The following FOXN1 variants were observed in gnomAD, a reference collection of about 807,000 sequenced individuals.
The protein encoded by FOXN1 is forkhead box protein N1.
Under a neutral mutation model 49.0 loss-of-function variants are expected in FOXN1, and 15 were observed. That is an observed-to-expected ratio of 0.31 (90% CI 0.20 to 0.47). The LOEUF (loss-of-function observed/expected upper bound fraction) is 0.47. Ranked by LOEUF, FOXN1 falls within the 20% of genes least tolerant of loss-of-function variation. FOXN1 has a pLI of 1.00. For synonymous variants in FOXN1, 356 were observed against 369.0 expected, an observed-to-expected ratio of 0.96 and a Z score of 0.40; for missense variants, 800 against 842.8, an observed-to-expected ratio of 0.95 and a Z score of 0.63.
intron 1 of FOXN1, among the ~76,000 whole-genome samples, chr17:28,517,624 G>T (rs2069548966): frequency 8.6e-6 from 1 of 116,200 alleles, no homozygotes; most frequent in African/African-American, 3.6e-5. Context: ...ACCTCCACAG[G>T]GTACACACCT....
Position 28,538,511 on chromosome 17 carries a change from G to A in FOXN1, c.*1075G>A, listed in dbSNP as rs1047484584. On this transcript the variant is annotated 3_prime_UTR_variant, in exon 9 of 9. Transcript: ENST00000579795. ...TCGACTTACGATGTTTCCCACTCACGATGGGTTTCTCCGGATGTAGCCCCA... is the reference window on the plus strand; with the variant it reads ...TCGACTTACGATGTTTCCCACTCACAATGGGTTTCTCCGGATGTAGCCCCA... 2.6e-5 allele frequency: 4 copies of A among 152,138 alleles called. No individual in the cohort carries two copies. Among genetic ancestry groups the A allele is most frequent in the Admixed American group, 1.3e-4 (2 of 15,274 alleles). 9.4% of individuals were successfully genotyped at this position (152,138 alleles called of 1,614,324 possible). A position where few individuals can be genotyped will look rare whatever the true frequency, so the allele number is the denominator to read the frequency against.
chr17:28,524,424 A>G (rs767813850), intron 2 of FOXN1, 79 bp from the exon 3 acceptor site: 1 of 1,272,418 alleles, frequency 7.9e-7, no homozygotes, highest in Non-Finnish European at 1.1e-6. Flanking sequence ...CCTTTACCCC[A>G]GAACAGAGTA....
intron 8 of FOXN1, among the ~76,000 whole-genome samples, chr17:28,536,907 G>C (rs2070078878): frequency 6.6e-6 from 1 of 152,108 alleles, no homozygotes; most frequent in African/African-American, 2.4e-5. Context: ...TAGATCGACG[G>C]CTTTCAGATT....
At chr17:28,511,637 G>A (rs575901055) in intron 1 of FOXN1, among the ~76,000 whole-genome samples, 1 of 152,196 alleles carries the variant, frequency 6.6e-6, no homozygotes, top group East Asian at 1.9e-4. Context: ...GTTCTCACTC[G>A]GTCCCCAGGA....
At chr17:28,528,964 T>C (rs2069839919) in intron 4 of FOXN1, 130 bp from the exon 5 acceptor site, 14 of 1,208,824 alleles carry the variant, frequency 1.2e-5, no homozygotes, top group Non-Finnish European at 1.3e-5. Flanking sequence ...TTGGGGGTGA[T>C]GGGGCCCATG....
chr17:28,531,546 G>A (rs941706474), intron 6 of FOXN1, among the ~76,000 whole-genome samples: 5 of 152,254 alleles, frequency 3.3e-5, no homozygotes, highest in African/African-American at 9.6e-5. Context: ...CCCTAAGGTC[G>A]CACAGTAGAT....
At chr17:28,525,514 C>T (rs759191615) in intron 3 of FOXN1, among the ~76,000 whole-genome samples, 3 of 152,134 alleles carry the variant, frequency 2.0e-5, no homozygotes, top group Admixed American at 6.5e-5. Context: ...CCTCCATAAG[C>T]GGCGTGACCC....
At chr17:28,519,073 G>A (rs1225757933) in intron 1 of FOXN1, among the ~76,000 whole-genome samples, 5 of 152,310 alleles carry the variant, frequency 3.3e-5, no homozygotes, top group Non-Finnish European at 7.3e-5. Flanking sequence ...GGAAGAAATG[G>A]GCACAATTGG....
intron 1 of FOXN1, among the ~76,000 whole-genome samples, chr17:28,512,832 C>T (rs1555607218): frequency 6.6e-6 from 1 of 152,036 alleles, no homozygotes; most frequent in Non-Finnish European, 1.5e-5. Context: ...ATGAATGACA[C>T]CCACAAGTAA....
chr17:28,529,136 T>TC lies in FOXN1; in HGVS notation c.744dup (p.Ser249LeufsTer37). On this transcript the variant is annotated frameshift_variant, in exon 5 of 9. Coordinates refer to ENST00000579795, the MANE Select transcript of FOXN1 (RefSeq NM_001369369.1). LOFTEE classifies it high-confidence loss of function. ...CAGCTACCCCATACCCTACCTGGGC[T>TC]CCTCACACTATCAGTACCAGCGAAT... is the stretch of plus-strand genomic sequence containing the variant. The TC allele has an allele frequency of 6.2e-7, 1 of 1,614,118 alleles. No individual in the cohort carries two copies. The highest frequency in any genetic ancestry group is 8.5e-7 in the Non-Finnish European group (1 of 1,179,986).
intron 1 of FOXN1, among the ~76,000 whole-genome samples, chr17:28,513,652 G>A (rs1281823787): frequency 1.3e-5 from 2 of 152,348 alleles, no homozygotes; most frequent in East Asian, 1.9e-4. Context: ...AGACAGCCCC[G>A]CCTCAGCCCT....
chr17:28,531,017 C>T lies in FOXN1; in HGVS notation c.927+172C>T, dbSNP rs142975386. Among the ~76,000 whole-genome samples, 289 of 152,298 alleles carry T rather than the reference C, an allele frequency of 1.9e-3. 1 individual carries two copies. Among genetic ancestry groups the T allele is most frequent in the African/African-American group, 6.6e-3 (276 of 41,568 alleles). On this transcript the variant is annotated intron_variant, in intron 6 of 8. Transcript: ENST00000579795. ...CCACCTCAGAAGGACAGAGTTCCTA[C>T]AAAAGGTGCTCCAAGTGGGGAACAG...
Position 28,534,498 on chromosome 17 carries a change from G to A in FOXN1, c.1095G>A (p.Arg365=), listed in dbSNP as rs761738547. ...KMQEELQKWK[R]KDPIAVRKSM... is the part of the protein sequence containing the mutation. ...AAGAGGAGCTGCAAAAATGGAAGAG[G>A]AAAGATCCCATTGCTGTGCGCAAAA... Residue 365 remains arginine, a synonymous_variant, in exon 7 of 9, where the codon AGG becomes AGA. Coordinates refer to ENST00000579795, the MANE Select transcript of FOXN1 (RefSeq NM_001369369.1). The surrounding 1 kb of genome is among the most constrained non-coding windows in gnomAD (Gnocchi z 4.1). The A allele has an allele frequency of 3.7e-6, 6 of 1,613,704 alleles. No individual in the cohort carries two copies. The East Asian group carries it at 1.1e-4, about 30-fold the overall frequency.
At chr17:28,536,661 C>T (rs1292561453) in intron 8 of FOXN1, among the ~76,000 whole-genome samples, 1 of 152,186 alleles carries the variant, frequency 6.6e-6, no homozygotes, top group Non-Finnish European at 1.5e-5. Flanking sequence ...TGCTCCCATT[C>T]CCTGGGCCCT....
intron 1 of FOXN1, among the ~76,000 whole-genome samples, chr17:28,520,625 A>G (rs1597545123): frequency 6.6e-6 from 1 of 152,220 alleles, no homozygotes; most frequent in South Asian, 2.1e-4. Flanking sequence ...AAGCAAGGCT[A>G]TGAAAGTCAT....
At chr17:28,511,726 C>T (rs1555607046) in intron 1 of FOXN1, among the ~76,000 whole-genome samples, 1 of 152,086 alleles carries the variant, frequency 6.6e-6, no homozygotes, top group African/African-American at 2.4e-5. Context: ...TCATGACTAG[C>T]CCACACCGAG....
intron 3 of FOXN1, among the ~76,000 whole-genome samples, chr17:28,526,348 G>A (rs1326175116): frequency 6.6e-6 from 1 of 152,256 alleles, no homozygotes; most frequent in Non-Finnish European, 1.5e-5. Flanking sequence ...CCAGAGAGAG[G>A]TCACAGCTGA....
In FOXN1 at chr17:28,524,050, C is replaced by T. The variant is rs748912345; in HGVS notation, c.81C>T (p.Leu27=). 6 of 1,610,954 alleles carry T rather than the reference C, an allele frequency of 3.7e-6. No homozygotes were observed. The Admixed American group carries it at 8.4e-5, about 22-fold the overall frequency. The change falls in exon 2 of 9, where the codon CTC becomes CTT. Residue 27 remains leucine (L), a synonymous_variant. Coordinates refer to ENST00000579795, the MANE Select transcript of FOXN1 (RefSeq NM_001369369.1). ...TGGAGGGCGAGCGCCAAGGGGACCTCATGCAGGCACCGGGCCTCCCAGGCT... is the reference window on the plus strand; with the variant it reads ...TGGAGGGCGAGCGCCAAGGGGACCTTATGCAGGCACCGGGCCTCCCAGGCT... The part of the protein sequence containing the change: ...TRLEGERQGD[L]MQAPGLPGSP...
chr17:28,509,918 AC>A (rs1409535687), intron 1 of FOXN1, among the ~76,000 whole-genome samples: 1 of 152,118 alleles, frequency 6.6e-6, no homozygotes, highest in Non-Finnish European at 1.5e-5. Flanking sequence ...CCGGGTCTCT[AC>A]CCTGCCTGTG....
Sources: allele counts gnomAD v4.1 joint callset (sites outside exome capture counted in the v4.1 genomes callset), GRCh38; gene constraint gnomAD v4.1.1; non-coding constraint Gnocchi (gnomAD v3.1); transcripts MANE v1.5; gene names NCBI Gene and HGNC (gene_info 2026-07-23, HGNC 2026-07-21).